ANO5: variants seen among roughly 807,000 people sequenced by gnomAD.
ANO5 encodes anoctamin-5.
ANO5 carries 109 observed loss-of-function variants against 121.0 expected under a neutral mutation model. The observed-to-expected ratio is 0.90, with a 90% confidence interval of 0.77 to 1.06. The LOEUF (loss-of-function observed/expected upper bound fraction) is 1.06, where lower values mean the gene tolerates loss of function less well. Among genes scored for constraint, ANO5 ranks in the 50% least tolerant of loss-of-function variants. ANO5 has a pLI of 0.00. For missense variants in ANO5, 1,064 were observed against 1,078.5 expected, an observed-to-expected ratio of 0.99 and a Z score of 0.19; for synonymous variants, 406 against 359.9, an observed-to-expected ratio of 1.13 and a Z score of -1.45.
At chr11:22,229,532 A>G (rs1852964983) in intron 7 of ANO5, among the ~76,000 whole-genome samples, 1 of 152,024 alleles carries the variant, frequency 6.6e-6, no homozygotes, top group Non-Finnish European at 1.5e-5. Context: ...CTTTCTAAAT[A>G]TGATCATTTC....
intron 17 of ANO5, among the ~76,000 whole-genome samples, chr11:22,266,030 T>C (rs761168377): frequency 6.0e-4 from 91 of 152,188 alleles, no homozygotes; most frequent in Non-Finnish European, 9.4e-4. Context: ...GTAAATGGTG[T>C]TGGAAAAATT....
At chr11:22,256,246 C>T (rs1025876560) in intron 13 of ANO5, among the ~76,000 whole-genome samples, 7 of 152,084 alleles carry the variant, frequency 4.6e-5, no homozygotes, top group Admixed American at 1.3e-4. Flanking sequence ...CCTATCTTCC[C>T]GTAATCTACA....
intron 12 of ANO5, among the ~76,000 whole-genome samples, chr11:22,254,108 G>C (rs566986211): frequency 6.6e-6 from 1 of 152,052 alleles, no homozygotes; most frequent in African/African-American, 2.4e-5. Context: ...GAAAACATAA[G>C]CCAATGTATA....
intron 2 of ANO5, among the ~76,000 whole-genome samples, chr11:22,205,503 C>T (rs376663435): frequency 7.9e-5 from 12 of 151,394 alleles, no homozygotes; most frequent in South Asian, 4.2e-4. Flanking sequence ...TGAAGAATTT[C>T]TTAAAACTGT....
At chr11:22,217,487 A>G (rs1306517741) in intron 3 of ANO5, among the ~76,000 whole-genome samples, 1 of 151,942 alleles carries the variant, frequency 6.6e-6, no homozygotes, top group African/African-American at 2.4e-5. Context: ...TATCAGTATA[A>G]ATGTGGTAAT....
chr11:22,276,013 A>G, intron 20 of ANO5, 81 bp from the exon 21 acceptor site: 2 of 953,706 alleles, frequency 2.1e-6, no homozygotes, highest in Non-Finnish European at 3.3e-6. Context: ...GTTAAGAGAA[A>G]TAAGAAATTA....
chr11:22,234,023 A>C (rs981481978), intron 7 of ANO5, among the ~76,000 whole-genome samples: 2 of 152,106 alleles, frequency 1.3e-5, no homozygotes, highest in African/African-American at 4.8e-5. Context: ...TCTTCAAAGA[A>C]ATTCTTAAGG....
chr11:22,194,613 A>G (rs141554343), intron 1 of ANO5, among the ~76,000 whole-genome samples: 83 of 152,198 alleles, frequency 5.5e-4, no homozygotes, highest in African/African-American at 2.0e-3. Flanking sequence ...CATCCTCCCC[A>G]CTTCCTACCA....
chr11:22,221,201 G>T lies in ANO5; in HGVS notation c.285G>T (p.Glu95Asp), dbSNP rs1852639495. ...TTGATGATGTAAAGAAAGACGCAGA[G>T]TTAAAGGCGGTAAGTGCATTATAAC... ...SYVDDVKKDA[E>D]LKAERRKEFE... Residue 95 changes from glutamate (E) to aspartate (D), a missense_variant, in exon 5 of 22, where the codon GAG (glutamate) becomes GAT (aspartate). Glu to Asp is a conservative substitution (Grantham distance 45, BLOSUM62 2). Coordinates refer to ENST00000324559, the MANE Select transcript of ANO5 (RefSeq NM_213599.3). 1 of 1,604,256 alleles carries T rather than the reference G, an allele frequency of 6.2e-7. No individual in the cohort carries two copies. The highest frequency in any genetic ancestry group is 1.7e-5 in the Admixed American group (1 of 59,738).
intron 12 of ANO5, among the ~76,000 whole-genome samples, chr11:22,251,977 C>T (rs990845585): frequency 2.3e-5 from 3 of 128,800 alleles, no homozygotes; most frequent in Non-Finnish European, 4.7e-5. Flanking sequence ...TTGCAGTGAG[C>T]CGAGATTGTG....
intron 1 of ANO5, 136 bp downstream of exon 1, chr11:22,193,668 C>A: frequency 2.6e-6 from 3 of 1,173,128 alleles, no homozygotes; most frequent in South Asian, 1.4e-5. Flanking sequence ...GTGGCGTGCT[C>A]AGCGCGAAAC....
At chr11:22,216,597 T>C (rs1297874821) in intron 3 of ANO5, among the ~76,000 whole-genome samples, 1 of 151,850 alleles carries the variant, frequency 6.6e-6, no homozygotes. Context: ...TGCGAGACCA[T>C]TGTCAACCTT....
intron 9 of ANO5, among the ~76,000 whole-genome samples, chr11:22,245,640 T>C (rs970626681): frequency 1.3e-5 from 2 of 152,190 alleles, no homozygotes; most frequent in Non-Finnish European, 2.9e-5. Context: ...ATTTTGCTTT[T>C]GTTTTGCATG....
intron 3 of ANO5, among the ~76,000 whole-genome samples, chr11:22,213,831 T>C (rs1852357600): frequency 6.6e-6 from 1 of 152,056 alleles, no homozygotes; most frequent in African/African-American, 2.4e-5. Flanking sequence ...ATAAACCAAA[T>C]ACTACTTTAT....
At chr11:22,215,197 G>T (rs1852400982) in intron 3 of ANO5, among the ~76,000 whole-genome samples, 1 of 152,062 alleles carries the variant, frequency 6.6e-6, no homozygotes, top group Admixed American at 6.6e-5. Context: ...AACAGATTTT[G>T]AAGGAGTATG....
intron 1 of ANO5, among the ~76,000 whole-genome samples, chr11:22,197,193 C>T (rs189807869): frequency 6.6e-6 from 1 of 152,238 alleles, no homozygotes; most frequent in East Asian, 1.9e-4. Context: ...CTACTTTTTT[C>T]ACAATTAAAC....
chr11:22,224,290 T>G (rs1354604080), intron 5 of ANO5, among the ~76,000 whole-genome samples: 2 of 152,108 alleles, frequency 1.3e-5, no homozygotes, highest in Non-Finnish European at 1.5e-5. Context: ...AATTCATTTT[T>G]CCAGTCCACA....
At chr11:22,264,407 T>G (rs1854294530) in intron 17 of ANO5, among the ~76,000 whole-genome samples, 1 of 149,820 alleles carries the variant, frequency 6.7e-6, no homozygotes, top group South Asian at 2.1e-4. Flanking sequence ...AAACAGAAGA[T>G]GGGGGATACA....
intron 3 of ANO5, among the ~76,000 whole-genome samples, chr11:22,211,614 A>T (rs1296905937): frequency 6.6e-6 from 1 of 151,872 alleles, no homozygotes; most frequent in Non-Finnish European, 1.5e-5. Context: ...GATATGTTTA[A>T]GGGGTTGATG....
Sources: allele counts gnomAD v4.1 joint callset (sites outside exome capture counted in the v4.1 genomes callset), GRCh38; gene constraint gnomAD v4.1.1; transcripts MANE v1.5; gene names NCBI Gene and HGNC (gene_info 2026-07-23, HGNC 2026-07-21).